Variants in LRRC1 observed in about 807,000 individuals in gnomAD.
LRRC1 encodes leucine rich repeat containing 1.
Under a neutral mutation model 69.9 loss-of-function variants are expected in LRRC1, and 28 were observed. That is an observed-to-expected ratio of 0.40 (90% CI 0.30 to 0.55). LRRC1 has a LOEUF of 0.55. Ranked by LOEUF, LRRC1 falls within the 20% of genes least tolerant of loss-of-function variation. The probability of loss-of-function intolerance (pLI) is 0.47; values close to 1 mark genes in which losing one functional copy is unlikely to be tolerated. For missense variants in LRRC1, 498 were observed against 609.0 expected, an observed-to-expected ratio of 0.82 and a Z score of 1.92; for synonymous variants, 236 against 240.2, an observed-to-expected ratio of 0.98 and a Z score of 0.16.
At chr6:53,862,286 CGTGTGTGTGTGTGTGTGTGT>C (rs6149589) in intron 2 of LRRC1, among the ~76,000 whole-genome samples, 38 of 144,264 alleles carry the variant, frequency 2.6e-4, no homozygotes, top group Admixed American at 6.2e-4. Flanking sequence ...TAACCTGAAT[CGTGTGTGTGTGTGTGTGTGT>C]GTGTGTGTGT....
At chr6:53,840,878 ATGTGTT>A (rs1413546257) in intron 1 of LRRC1, among the ~76,000 whole-genome samples, 1 of 84,182 alleles carries the variant, frequency 1.2e-5, no homozygotes, top group African/African-American at 4.5e-5. Context: ...GTGGGGGGGT[ATGTGTT>A]TGTGTGTGTG....
At position 53,840,807 on chromosome 6, in the gene LRRC1, A is replaced by C. The variant is rs909200720; in HGVS notation, c.160-1303A>C. On this transcript the variant is annotated intron_variant, in intron 1 of 13. Coordinates refer to ENST00000370888, the MANE Select transcript of LRRC1 (RefSeq NM_018214.5). ...ATCTGTGATTTCTCTGAGGATATTA[A>C]TTATTTTTTGGTTGAGGAATTATTT... Among the ~76,000 whole-genome samples, 7 of 137,318 alleles carry C rather than the reference A, an allele frequency of 5.1e-5. No individual in the cohort carries two copies. The South Asian group carries it at 1.6e-3, about 31-fold the overall frequency. The allele number at this position is 137,318 out of a possible 152,430, so 90.1% of individuals were successfully genotyped here. A position where few individuals can be genotyped will look rare whatever the true frequency, so the allele number is the denominator to read the frequency against.
intron 1 of LRRC1, among the ~76,000 whole-genome samples, chr6:53,830,345 T>A (rs1765391994): frequency 6.6e-6 from 1 of 152,260 alleles, no homozygotes. Flanking sequence ...AGATGTAACT[T>A]CAGGACATAG....
chr6:53,824,242 C>A (rs958229938), intron 1 of LRRC1, among the ~76,000 whole-genome samples: 1 of 151,744 alleles, frequency 6.6e-6, no homozygotes, highest in African/African-American at 2.4e-5. Context: ...CTCTAATGAT[C>A]AGTGATGCTG....
intron 11 of LRRC1, among the ~76,000 whole-genome samples, chr6:53,917,360 T>G (rs1045423811): frequency 6.6e-6 from 1 of 152,214 alleles, no homozygotes; most frequent in Non-Finnish European, 1.5e-5. Flanking sequence ...GCAGCCACAT[T>G]CAAGTTGGCA....
chr6:53,801,587 G>A (rs750362396), intron 1 of LRRC1, among the ~76,000 whole-genome samples: 99 of 152,146 alleles, frequency 6.5e-4, no homozygotes, highest in Non-Finnish European at 1.1e-3. Flanking sequence ...ACACAATTTA[G>A]CATTTAATTG....
intron 8 of LRRC1, among the ~76,000 whole-genome samples, chr6:53,900,227 C>T (rs1273903495): frequency 2.6e-5 from 4 of 151,764 alleles, no homozygotes; most frequent in Middle Eastern, 3.4e-3. Flanking sequence ...TTAGTAGAGA[C>T]GGGGTTTCAC....
intron 10 of LRRC1, among the ~76,000 whole-genome samples, chr6:53,912,558 A>G: frequency 6.6e-6 from 1 of 152,114 alleles, no homozygotes; most frequent in South Asian, 2.1e-4. Context: ...ATTTACTTAT[A>G]TATTTATTTT....
chr6:53,904,302 C>T (rs1768163314), intron 9 of LRRC1, 77 bp from the exon 10 acceptor site: 1 of 834,036 alleles, frequency 1.2e-6, no homozygotes, highest in Non-Finnish European at 2.0e-6. Context: ...TTCTTTAGGT[C>T]CTTGCAAAGA....
chr6:53,874,182 C>A (rs1454213141), intron 2 of LRRC1, among the ~76,000 whole-genome samples: 1 of 152,194 alleles, frequency 6.6e-6, no homozygotes, highest in African/African-American at 2.4e-5. Flanking sequence ...GTCACTTCAT[C>A]TCTCTGAGCC....
At chr6:53,909,790 C>T (rs1417711168) in intron 10 of LRRC1, among the ~76,000 whole-genome samples, 1 of 151,984 alleles carries the variant, frequency 6.6e-6, no homozygotes, top group Non-Finnish European at 1.5e-5. Flanking sequence ...GTTCAAATTG[C>T]GTTTTGGCCA....
chr6:53,822,208 G>A (rs1353441184), intron 1 of LRRC1, among the ~76,000 whole-genome samples: 2 of 152,294 alleles, frequency 1.3e-5, no homozygotes, highest in South Asian at 4.1e-4. Context: ...ATGCAGAGGA[G>A]TTGGGGAGGA....
At chr6:53,838,545 A>G (rs1765676571) in intron 1 of LRRC1, among the ~76,000 whole-genome samples, 1 of 152,206 alleles carries the variant, frequency 6.6e-6, no homozygotes, top group Non-Finnish European at 1.5e-5. Context: ...TAGTTTTGCT[A>G]TTATGCCTTT....
intron 11 of LRRC1, among the ~76,000 whole-genome samples, chr6:53,918,553 T>C (rs1768641554): frequency 6.6e-6 from 1 of 152,224 alleles, no homozygotes. Context: ...TCTTTTCATA[T>C]CTTTAGAGAG....
At chr6:53,842,330 G>T in intron 2 of LRRC1, 103 bp downstream of exon 2, 1 of 742,648 alleles carries the variant, frequency 1.3e-6, no homozygotes, top group Non-Finnish European at 2.3e-6. Context: ...TTGGTTTTTT[G>T]TCCTTGTGAT....
At chr6:53,848,043 A>G (rs774339433) in intron 2 of LRRC1, among the ~76,000 whole-genome samples, 7 of 152,162 alleles carry the variant, frequency 4.6e-5, no homozygotes, top group African/African-American at 7.2e-5. Context: ...CACTTTCTTT[A>G]GCAAACTGCC....
At chr6:53,850,679 G>C (rs1038532938) in intron 2 of LRRC1, among the ~76,000 whole-genome samples, 1 of 152,206 alleles carries the variant, frequency 6.6e-6, no homozygotes, top group Non-Finnish European at 1.5e-5. Context: ...ATTAGCATAG[G>C]CTATTGATTT....
At chr6:53,807,747 T>TCAACAACAA (rs60487267) in intron 1 of LRRC1, among the ~76,000 whole-genome samples, 52 of 150,442 alleles carry the variant, frequency 3.5e-4, no homozygotes, top group African/African-American at 1.2e-3. Flanking sequence ...CTCCGTGTCG[T>TCAACAACAA]CAACAACAAC....
At chr6:53,827,468 G>A (rs1258592584) in intron 1 of LRRC1, among the ~76,000 whole-genome samples, 1 of 152,162 alleles carries the variant, frequency 6.6e-6, no homozygotes, top group African/African-American at 2.4e-5. Flanking sequence ...TCTCTTGAAG[G>A]AGCAGAGGCA....
Sources: gnomAD v4.1 joint callset for allele counts (sites outside exome capture counted in the v4.1 genomes callset) on GRCh38, gnomAD v4.1.1 for gene constraint, MANE v1.5 for transcripts, NCBI Gene and HGNC (gene_info 2026-07-23, HGNC 2026-07-21) for gene names.